Variants in SV2C observed in about 807,000 individuals in gnomAD.
SV2C encodes the protein solute carrier family 22 member B3.
SV2C carries 49 observed loss-of-function variants against 79.7 expected under a neutral mutation model. The ratio of observed to expected loss-of-function variants is 0.61; its 90% CI spans 0.49 to 0.78. The LOEUF is 0.78. Among genes scored for constraint, SV2C ranks in the 30% least tolerant of loss-of-function variants. SV2C has a pLI of 0.00. For missense variants in SV2C, 833 were observed against 912.9 expected, an observed-to-expected ratio of 0.91 and a Z score of 1.13; for synonymous variants, 334 against 333.2, an observed-to-expected ratio of 1.00 and a Z score of -0.03.
the SV2C span, among the ~76,000 whole-genome samples, chr5:76,058,839 TTA>T: frequency 1.3e-5 from 2 of 152,120 alleles, no homozygotes; most frequent in Non-Finnish European, 2.9e-5. Context: ...TAAAACTCTA[TTA>T]TAATAGCCTT....
chr5:76,259,646 T>A (rs747265446), intron 4 of SV2C, among the ~76,000 whole-genome samples: 1 of 150,928 alleles, frequency 6.6e-6, no homozygotes, highest in Non-Finnish European at 1.5e-5. Flanking sequence ...CCCCTCCCTA[T>A]GTTCATGTGT....
the SV2C span, among the ~76,000 whole-genome samples, chr5:75,997,849 C>T: frequency 6.6e-6 from 1 of 151,958 alleles, no homozygotes; most frequent in Admixed American, 6.6e-5. Flanking sequence ...GGGTATATAC[C>T]CAAAGGATTA....
At chr5:76,244,910 G>A (rs780410615) in intron 4 of SV2C, among the ~76,000 whole-genome samples, 2 of 152,350 alleles carry the variant, frequency 1.3e-5, no homozygotes, top group South Asian at 4.1e-4. Flanking sequence ...GTGGGGAAGT[G>A]AATACATTCA....
At chr5:76,039,032 T>C in the SV2C span, among the ~76,000 whole-genome samples, 1 of 152,198 alleles carries the variant, frequency 6.6e-6, no homozygotes, top group Non-Finnish European at 1.5e-5. Flanking sequence ...ATGCTGGCTA[T>C]TTTTTCTTTA....
At chr5:76,001,560 G>A in the SV2C span, among the ~76,000 whole-genome samples, 2 of 151,570 alleles carry the variant, frequency 1.3e-5, no homozygotes, top group Admixed American at 6.6e-5. Context: ...CTGCACTCCA[G>A]CCTGGGTGAC....
At chr5:76,165,079 TC>T (rs1167567963) in intron 2 of SV2C, among the ~76,000 whole-genome samples, 1 of 152,066 alleles carries the variant, frequency 6.6e-6, no homozygotes, top group Non-Finnish European at 1.5e-5. Context: ...GTTGGTTGAG[TC>T]CACAGAGGTG....
chr5:76,288,445 CT>C (rs1484647673), intron 6 of SV2C, among the ~76,000 whole-genome samples: 1 of 152,156 alleles, frequency 6.6e-6, no homozygotes, highest in Admixed American at 6.5e-5. Context: ...TGAGGACTCT[CT>C]TCTTTTGAGT....
chr5:76,077,304 A>T, the SV2C span, among the ~76,000 whole-genome samples: 1 of 152,204 alleles, frequency 6.6e-6, no homozygotes, highest in African/African-American at 2.4e-5. Context: ...CAGACTGTGG[A>T]GAGCTCTACA....
At chr5:75,997,756 G>C in the SV2C span, among the ~76,000 whole-genome samples, 1 of 152,184 alleles carries the variant, frequency 6.6e-6, no homozygotes, top group Non-Finnish European at 1.5e-5. Flanking sequence ...CTGTAAACTA[G>C]TTCAACCATT....
At chr5:76,070,164 C>T in the SV2C span, among the ~76,000 whole-genome samples, 1 of 152,166 alleles carries the variant, frequency 6.6e-6, no homozygotes, top group Non-Finnish European at 1.5e-5. Context: ...GGAGAGGAGA[C>T]AGTTCCTGGG....
intron 1 of SV2C, among the ~76,000 whole-genome samples, chr5:76,112,278 G>A (rs1748118833): frequency 6.6e-6 from 1 of 152,230 alleles, no homozygotes; most frequent in Non-Finnish European, 1.5e-5. Context: ...GGCACTCTTA[G>A]GTGGTGTGGT....
chr5:76,014,321 AAGAG>A, the SV2C span, among the ~76,000 whole-genome samples: 93 of 152,214 alleles, frequency 6.1e-4, no homozygotes, highest in Admixed American at 1.6e-3. Flanking sequence ...GAAAGAAAGA[AAGAG>A]AGAGAAAGAA....
chr5:75,934,302 C>CTTTTTTTTTTTTTTTTTTTTT, the SV2C span, among the ~76,000 whole-genome samples: 9 of 107,830 alleles, frequency 8.3e-5, no homozygotes, highest in African/African-American at 1.7e-4. Context: ...TTCTTTCTTT[C>CTTTTTTTTTTTTTTTTTTTTT]TTTTTTTTTT....
the SV2C span, among the ~76,000 whole-genome samples, chr5:75,952,266 CCTTCCTTCCTTCCTTCCTTCCTTT>C: frequency 6.8e-6 from 1 of 147,882 alleles, no homozygotes; most frequent in Non-Finnish European, 1.5e-5. Flanking sequence ...TTCCTTCCTT[CCTTCCTTCCTTCCTTCCTTCCTTT>C]CTTCCTTCCT....
chr5:76,353,783 C>T (rs1301655798), exon 13 of SV2C: 1 of 152,158 alleles, frequency 6.6e-6, no homozygotes, highest in Non-Finnish European at 1.5e-5. Context: ...ACCAAGACGC[C>T]TTTACTTAAA....
the SV2C span, among the ~76,000 whole-genome samples, chr5:75,954,781 A>G: frequency 8.8e-5 from 13 of 148,438 alleles, no homozygotes; most frequent in East Asian, 1.9e-4. Context: ...TCATGAGTGA[A>G]CTCCCATTCA....
chr5:75,853,522 C>T, the SV2C span, among the ~76,000 whole-genome samples: 8 of 141,214 alleles, frequency 5.7e-5, no homozygotes, highest in African/African-American at 2.1e-4. Context: ...CGCCACTGCA[C>T]TCCAGCCTGG....
chr5:76,085,034 C>T (rs994742803), intron 1 of SV2C, among the ~76,000 whole-genome samples: 1 of 152,218 alleles, frequency 6.6e-6, no homozygotes, highest in African/African-American at 2.4e-5. Context: ...GTCTCCTCTC[C>T]CGCTGAACCT....
chr5:75,929,546 CAG>C, the SV2C span, among the ~76,000 whole-genome samples: 5 of 151,982 alleles, frequency 3.3e-5, no homozygotes, highest in African/African-American at 1.2e-4. Flanking sequence ...AGCTCTAAAA[CAG>C]AAAAACTAGA....
Sources: allele counts gnomAD v4.1 joint callset (sites outside exome capture counted in the v4.1 genomes callset), GRCh38; gene constraint gnomAD v4.1.1; transcripts MANE v1.5; gene names NCBI Gene and HGNC (gene_info 2026-07-23, HGNC 2026-07-21).